SOBP: variants seen among roughly 807,000 people sequenced by gnomAD.
SOBP encodes the protein sine oculis-binding protein homolog.
Under a neutral mutation model 53.6 loss-of-function variants are expected in SOBP, and 4 were observed. The observed-to-expected ratio is 0.07, with a 90% confidence interval of 0.04 to 0.17. The LOEUF is 0.17. SOBP is among the 10% of genes least tolerant of loss of function. The pLI is 1.00. For synonymous variants in SOBP, 584 were observed against 522.6 expected (o/e 1.12, Z -1.60); for missense variants, 1,088 against 1,204.7 (o/e 0.90, Z 1.43).
At chr6:107,611,099 C>T (rs764149489) in intron 5 of SOBP, among the ~76,000 whole-genome samples, 2 of 152,234 alleles carry the variant, frequency 1.3e-5, no homozygotes, top group Non-Finnish European at 2.9e-5. Flanking sequence ...GCCTCCGTTC[C>T]TTTACTTCTG....
intron 4 of SOBP, among the ~76,000 whole-genome samples, chr6:107,561,126 T>A (rs1052739166): frequency 6.6e-6 from 1 of 152,186 alleles, no homozygotes; most frequent in African/African-American, 2.4e-5. Flanking sequence ...ATCAGTGTAA[T>A]GATTCTGGGT....
At chr6:107,593,115 T>C in intron 5 of SOBP, among the ~76,000 whole-genome samples, 1 of 152,242 alleles carries the variant, frequency 6.6e-6, no homozygotes, top group East Asian at 1.9e-4. Flanking sequence ...ATTTCTGCCA[T>C]AGTCTTGTAG....
intron 5 of SOBP, among the ~76,000 whole-genome samples, chr6:107,604,779 A>ATTT (rs759241570): frequency 7.9e-5 from 12 of 152,104 alleles, no homozygotes; most frequent in Non-Finnish European, 1.2e-4. Context: ...AGACCTGCAA[A>ATTT]TTGTGTCAGC....
At chr6:107,647,455 A>G in intron 6 of SOBP, among the ~76,000 whole-genome samples, 1 of 152,258 alleles carries the variant, frequency 6.6e-6, no homozygotes, top group East Asian at 1.9e-4. Flanking sequence ...GTAAATAACA[A>G]GTTAAAATGT....
intron 3 of SOBP, among the ~76,000 whole-genome samples, chr6:107,515,837 A>G (rs538156013): frequency 1.1e-4 from 17 of 152,330 alleles, no homozygotes; most frequent in African/African-American, 3.8e-4. Flanking sequence ...AGCCAATGAT[A>G]TATGCAAAAT....
chr6:107,586,400 G>C (rs1443056550), intron 4 of SOBP, among the ~76,000 whole-genome samples: 2 of 152,172 alleles, frequency 1.3e-5, no homozygotes, highest in Non-Finnish European at 1.5e-5. Context: ...AAAGAAGACT[G>C]TATGCAAGCG....
At chr6:107,501,794 C>T (rs1782848918) in intron 1 of SOBP, among the ~76,000 whole-genome samples, 1 of 152,076 alleles carries the variant, frequency 6.6e-6, no homozygotes, top group Non-Finnish European at 1.5e-5. Context: ...TCAACCCAGT[C>T]CTCCTCAGTG....
chr6:107,566,935 A>T (rs1215806287), intron 4 of SOBP, among the ~76,000 whole-genome samples: 4 of 152,214 alleles, frequency 2.6e-5, no homozygotes, highest in Admixed American at 2.6e-4. Flanking sequence ...GTACAAAAAC[A>T]TGGCTACACA....
intron 5 of SOBP, among the ~76,000 whole-genome samples, chr6:107,613,795 G>T (rs914951465): frequency 6.6e-6 from 1 of 151,364 alleles, no homozygotes; most frequent in South Asian, 2.1e-4. Context: ...ATTTATACTG[G>T]CTTCTAGAAG....
intron 5 of SOBP, among the ~76,000 whole-genome samples, chr6:107,592,053 G>A (rs1053306208): frequency 2.1e-5 from 3 of 142,476 alleles, no homozygotes; most frequent in Admixed American, 1.5e-4. Flanking sequence ...TAATTAAACT[G>A]GGAATTGGAG....
At chr6:107,506,142 G>T (rs780483793) in intron 2 of SOBP, 100 bp from the exon 3 acceptor site, 2 of 994,194 alleles carry the variant, frequency 2.0e-6, no homozygotes, top group Non-Finnish European at 1.6e-6. Flanking sequence ...GAAAAAATAT[G>T]TTGGGTTCAT....
intron 3 of SOBP, chr6:107,511,444 T>C (rs1783166286): frequency 6.6e-6 from 1 of 152,246 alleles, no homozygotes. Flanking sequence ...AGCTTTGTTT[T>C]ACAGTTCTTG....
Position 107,633,980 on chromosome 6 carries a change from C to A in SOBP, c.1136C>A (p.Pro379Gln). The A allele has an allele frequency of 6.2e-7, 1 of 1,614,120 alleles. No individual in the cohort carries two copies. Among genetic ancestry groups the A allele is most frequent in the South Asian group, 1.1e-5 (1 of 91,084 alleles). The change falls in exon 6 of 7, where the codon CCG becomes CAG. Residue 379 changes from proline (P) to glutamine (Q), a missense_variant. Transcript: ENST00000317357. ...PASIGPPLGV[P>Q]PRSPPMVMTN... The stretch of plus-strand genomic sequence containing the variant: ...AGCATCGGGCCTCCCCTTGGCGTCC[C>A]GCCTCGGAGCCCTCCCATGGTGATG...
intron 4 of SOBP, among the ~76,000 whole-genome samples, chr6:107,564,392 C>T (rs983617025): frequency 1.3e-5 from 2 of 152,204 alleles, no homozygotes; most frequent in African/African-American, 4.8e-5. Flanking sequence ...GAGCCCAGAG[C>T]TGCAGCTGTG....
intron 3 of SOBP, chr6:107,509,655 G>A (rs953973898): frequency 1.3e-5 from 2 of 152,142 alleles, no homozygotes; most frequent in African/African-American, 4.8e-5. Context: ...GTTTCCTGCT[G>A]AGCCAGCCAC....
chr6:107,638,212 G>GTTATTTAT (rs57949409), intron 6 of SOBP, among the ~76,000 whole-genome samples: 1 of 151,212 alleles, frequency 6.6e-6, no homozygotes, highest in African/African-American at 2.4e-5. Context: ...TATTTATTTA[G>GTTATTTAT]TTATTTATTA....
chr6:107,611,907 C>T (rs970521950), intron 5 of SOBP, among the ~76,000 whole-genome samples: 2 of 152,170 alleles, frequency 1.3e-5, no homozygotes, highest in African/African-American at 4.8e-5. Flanking sequence ...ATCCCAGAAA[C>T]GTGAGCTCTG....
chr6:107,538,552 C>T (rs1784067709), intron 4 of SOBP, among the ~76,000 whole-genome samples: 1 of 152,164 alleles, frequency 6.6e-6, no homozygotes, highest in African/African-American at 2.4e-5. Context: ...TAACAGCCAC[C>T]AGTGAGCCTC....
At chr6:107,601,986 T>A (rs938440695) in intron 5 of SOBP, among the ~76,000 whole-genome samples, 3 of 152,216 alleles carry the variant, frequency 2.0e-5, no homozygotes, top group African/African-American at 4.8e-5. Context: ...TTAAGAAAGT[T>A]ATTGGATAGC....
Sources: allele counts gnomAD v4.1 joint callset (sites outside exome capture counted in the v4.1 genomes callset), GRCh38; gene constraint gnomAD v4.1.1; transcripts MANE v1.5; gene names NCBI Gene and HGNC (gene_info 2026-07-23, HGNC 2026-07-21).